The following SETBP1 variants were observed in gnomAD, a reference collection of about 807,000 sequenced individuals.
SETBP1 encodes the protein SET-binding protein.
Under a neutral mutation model 101.0 loss-of-function variants are expected in SETBP1, and 9 were observed. The ratio of observed to expected loss-of-function variants is 0.09; its 90% CI spans 0.05 to 0.16. The LOEUF (loss-of-function observed/expected upper bound fraction) is 0.16, where lower values mean the gene tolerates loss of function less well. Among genes scored for constraint, SETBP1 ranks in the 10% least tolerant of loss-of-function variants. The probability of loss-of-function intolerance (pLI) is 1.00; values close to 1 mark genes in which losing one functional copy is unlikely to be tolerated. For missense variants in SETBP1, 1,858 were observed against 2,033.8 expected (o/e 0.91, Z 1.66); for synonymous variants, 818 against 788.5 (o/e 1.04, Z -0.63).
chr18:45,039,809 G>A (rs186818870), intron 5 of SETBP1, among the ~76,000 whole-genome samples: 6 of 152,256 alleles, frequency 3.9e-5, no homozygotes, highest in Admixed American at 2.6e-4. Context: ...TACCTCCTTC[G>A]TGGAAATCAC....
chr18:44,765,841 A>G (rs150617573), intron 2 of SETBP1, among the ~76,000 whole-genome samples: 49 of 152,202 alleles, frequency 3.2e-4, no homozygotes, highest in Non-Finnish European at 6.6e-4. Context: ...CCTACTACCT[A>G]TGACAAGAAC....
At chr18:44,713,555 A>C (rs1393205666) in intron 2 of SETBP1, among the ~76,000 whole-genome samples, 1 of 152,144 alleles carries the variant, frequency 6.6e-6, no homozygotes, top group African/African-American at 2.4e-5. Flanking sequence ...AGCTCACAGA[A>C]TAGAGTACAA....
chr18:45,005,039 G>A (rs2072695431), intron 4 of SETBP1, among the ~76,000 whole-genome samples: 1 of 152,170 alleles, frequency 6.6e-6, no homozygotes. Context: ...GATCTGCAGA[G>A]TCCTATAAGG....
At chr18:44,909,284 G>T (rs2070247785) in intron 3 of SETBP1, among the ~76,000 whole-genome samples, 1 of 152,220 alleles carries the variant, frequency 6.6e-6, no homozygotes, top group South Asian at 2.1e-4. Flanking sequence ...AGGCCGAGGA[G>T]AAAATGTGTT....
intron 2 of SETBP1, among the ~76,000 whole-genome samples, chr18:44,788,790 A>ATTTTTTTT (rs34929410): frequency 9.9e-5 from 8 of 80,432 alleles, no homozygotes; most frequent in Non-Finnish European, 1.1e-4. Context: ...TTCCTTTTTA[A>ATTTTTTTT]TTTTTTTTTT....
At chr18:44,716,148 C>G (rs983132764) in intron 2 of SETBP1, among the ~76,000 whole-genome samples, 1 of 152,002 alleles carries the variant, frequency 6.6e-6, no homozygotes, top group Non-Finnish European at 1.5e-5. Flanking sequence ...CTGGGTTTGG[C>G]GAAAGGCTGG....
intron 5 of SETBP1, among the ~76,000 whole-genome samples, chr18:45,043,159 G>A (rs1022382502): frequency 6.6e-6 from 1 of 152,120 alleles, no homozygotes; most frequent in Non-Finnish European, 1.5e-5. Context: ...GGGAGATCAC[G>A]TAATGTATAG....
chr18:44,696,976 A>C (rs2069028365), intron 1 of SETBP1, among the ~76,000 whole-genome samples: 1 of 152,168 alleles, frequency 6.6e-6, no homozygotes, highest in African/African-American at 2.4e-5. Flanking sequence ...CTCCACTCCC[A>C]GCCCCCACTG....
At chr18:44,962,463 C>A (rs953681442) in intron 4 of SETBP1, among the ~76,000 whole-genome samples, 5 of 152,054 alleles carry the variant, frequency 3.3e-5, no homozygotes, top group African/African-American at 4.8e-5. Flanking sequence ...GAGCTTGGTG[C>A]TAGGTGCTGA....
At chr18:44,937,447 T>C (rs1599347847) in intron 3 of SETBP1, among the ~76,000 whole-genome samples, 2 of 98,094 alleles carry the variant, frequency 2.0e-5, no homozygotes, top group African/African-American at 4.1e-5. Flanking sequence ...AGAGCGAGAC[T>C]CCGTCTCAAA....
intron 3 of SETBP1, among the ~76,000 whole-genome samples, chr18:44,905,110 A>G (rs2070142541): frequency 6.6e-6 from 1 of 152,206 alleles, no homozygotes; most frequent in Non-Finnish European, 1.5e-5. Context: ...TATAGAGGTG[A>G]GTAGCTTTAG....
At chr18:44,876,941 T>A in intron 3 of SETBP1, 3 of 1,322,016 alleles carry the variant, frequency 2.3e-6, no homozygotes, top group Non-Finnish European at 2.9e-6. Context: ...TTCACAATGC[T>A]GCCCTGAAGA....
chr18:44,948,790 C>T (rs2145086953), intron 3 of SETBP1, among the ~76,000 whole-genome samples: 1 of 152,314 alleles, frequency 6.6e-6, no homozygotes, highest in South Asian at 2.1e-4. Flanking sequence ...TTAATATCTC[C>T]AAACGATGTG....
intron 2 of SETBP1, among the ~76,000 whole-genome samples, chr18:44,868,372 G>A (rs940525010): frequency 4.6e-5 from 7 of 151,988 alleles, no homozygotes; most frequent in African/African-American, 1.7e-4. Context: ...TTTTTACTGA[G>A]CTGATTTTTT....
At chr18:44,737,412 G>A (rs1414294807) in intron 2 of SETBP1, among the ~76,000 whole-genome samples, 1 of 152,128 alleles carries the variant, frequency 6.6e-6, no homozygotes, top group African/African-American at 2.4e-5. Context: ...AGACTCATAG[G>A]CTGGCTACAG....
At chr18:44,962,907 T>G (rs2071642000) in intron 4 of SETBP1, among the ~76,000 whole-genome samples, 1 of 152,082 alleles carries the variant, frequency 6.6e-6, no homozygotes, top group African/African-American at 2.4e-5. Flanking sequence ...GACCCAGAGA[T>G]AAAAAGCTTT....
At chr18:44,730,308 G>A (rs1045228403) in intron 2 of SETBP1, among the ~76,000 whole-genome samples, 1 of 152,170 alleles carries the variant, frequency 6.6e-6, no homozygotes, top group African/African-American at 2.4e-5. Flanking sequence ...GAGCTAAATG[G>A]TCAATAATTC....
chr18:44,970,762 G>T (rs983475112), intron 4 of SETBP1, among the ~76,000 whole-genome samples: 7 of 152,044 alleles, frequency 4.6e-5, no homozygotes, highest in Admixed American at 4.6e-4. Flanking sequence ...TGTTGGTCAG[G>T]CTGGTCTCGA....
chr18:44,951,868 G>A lies in SETBP1; in HGVS notation c.2528G>A (p.Cys843Tyr), dbSNP rs1322301383. 6.2e-7 allele frequency: 1 copy of A among 1,614,042 alleles called. No individual in the cohort carries two copies. The highest frequency in any genetic ancestry group is 1.1e-5 in the South Asian group (1 of 91,042). ...RLMANSPSHLCEIGSLKEITL... is the reference protein window; with the variant it reads ...RLMANSPSHLYEIGSLKEITL... ...ATGGCCAACTCCCCTTCACACCTGT[G>A]CGAGATTGGCTCCCTAAAGGAAATC... is the stretch of plus-strand genomic sequence containing the variant. The change falls in exon 4 of 6, where the codon TGC (cysteine) becomes TAC (tyrosine). Residue 843 changes from cysteine (C) to tyrosine (Y), a missense_variant. Cys to Tyr is a radical substitution (Grantham distance 194, BLOSUM62 -2). Transcript: ENST00000649279. This position sits in a 1 kb window ranked among gnomAD's most constrained non-coding sequence, Gnocchi z 7.8.
Sources: allele counts gnomAD v4.1 joint callset (sites outside exome capture counted in the v4.1 genomes callset), GRCh38; gene constraint gnomAD v4.1.1; non-coding constraint Gnocchi (gnomAD v3.1); transcripts MANE v1.5; gene names NCBI Gene and HGNC (gene_info 2026-07-23, HGNC 2026-07-21).